The following MGA variants were observed in gnomAD, a reference collection of about 807,000 sequenced individuals.
The protein encoded by MGA is MAX gene-associated protein.
A neutral mutation model predicts 261.1 loss-of-function variants in MGA; 40 were observed. The observed-to-expected ratio is 0.15, with a 90% CI of 0.12 to 0.20. The LOEUF (loss-of-function observed/expected upper bound fraction) is 0.20. MGA is among the 10% of genes least tolerant of loss of function. The pLI, the probability that MGA is intolerant of heterozygous loss-of-function variation, is 1.00. For missense variants in MGA, 3,397 were observed against 3,630.5 expected (o/e 0.94, Z 1.65); for synonymous variants, 1,302 against 1,290.6 (o/e 1.01, Z -0.19).
intron 2 of MGA, among the ~76,000 whole-genome samples, chr15:41,684,986 G>A (rs1041976750): frequency 1.3e-5 from 2 of 152,108 alleles, no homozygotes; most frequent in African/African-American, 4.8e-5. Flanking sequence ...TAAAATGTGG[G>A]TGGCTTTTAT....
At chr15:41,634,015 C>T (rs1345812440) in intron 1 of MGA, among the ~76,000 whole-genome samples, 1 of 152,038 alleles carries the variant, frequency 6.6e-6, no homozygotes, top group Non-Finnish European at 1.5e-5. Flanking sequence ...TTTCTGGTTT[C>T]CTCTGTCTGG....
chr15:41,685,624 C>T (rs1289578768), intron 2 of MGA, among the ~76,000 whole-genome samples: 2 of 152,134 alleles, frequency 1.3e-5, no homozygotes, highest in Non-Finnish European at 2.9e-5. Flanking sequence ...AACCATAATT[C>T]ATTCTTTTCA....
intron 6 of MGA, 42 bp from the exon 7 acceptor site, chr15:41,708,062 C>T (rs1271018881): frequency 6.7e-7 from 1 of 1,490,014 alleles, no homozygotes; most frequent in East Asian, 2.4e-5. Flanking sequence ...TAATATTGGC[C>T]TGCTAGAATT....
intron 11 of MGA, among the ~76,000 whole-genome samples, chr15:41,733,150 G>T (rs1477156058): frequency 6.6e-6 from 1 of 152,034 alleles, no homozygotes; most frequent in Admixed American, 6.6e-5. Context: ...TTGAGACGGG[G>T]TTTTACCATG....
At chr15:41,727,688 T>C (rs1310942040) in intron 10 of MGA, among the ~76,000 whole-genome samples, 1 of 152,202 alleles carries the variant, frequency 6.6e-6, no homozygotes, top group East Asian at 1.9e-4. Context: ...TTAAAGATAC[T>C]ACTCCTGTAT....
At chr15:41,755,220 A>C (rs1173410943) in intron 18 of MGA, among the ~76,000 whole-genome samples, 8 of 152,192 alleles carry the variant, frequency 5.3e-5, no homozygotes, top group Admixed American at 5.2e-4. Context: ...TTTGTGCCAG[A>C]CATTGTACTT....
intron 9 of MGA, among the ~76,000 whole-genome samples, chr15:41,719,090 A>G (rs2060806957): frequency 6.6e-6 from 1 of 152,218 alleles, no homozygotes; most frequent in African/African-American, 2.4e-5. Flanking sequence ...TGTACATATA[A>G]GCAATGAACA....
At chr15:41,707,283 AC>A (rs1387172921) in intron 5 of MGA, among the ~76,000 whole-genome samples, 1 of 152,208 alleles carries the variant, frequency 6.6e-6, no homozygotes, top group Admixed American at 6.5e-5. Context: ...TCACAAGGCT[AC>A]AGTCAAAATA....
At chr15:41,688,634 T>A (rs1166632192) in intron 2 of MGA, among the ~76,000 whole-genome samples, 2 of 151,954 alleles carry the variant, frequency 1.3e-5, no homozygotes, top group African/African-American at 4.8e-5. Flanking sequence ...CCATGTCATC[T>A]TGCTATTTCC....
rs781320771 is a variant in MGA, at chr15:41,750,465, G to C, written c.6858G>C (p.Glu2286Asp). ...GAGAACAGATACAACCAAAGCAAGA[G>C]AAGAAGGGTGGGAGAAGCAGTGCTG... Residue 2286 changes from glutamate to aspartate, a missense_variant, in exon 17 of 24, where the codon GAG becomes GAC. Glu to Asp is a conservative substitution (Grantham distance 45). This residue lies in a region of MGA where 1,410 missense variants were observed against 1,386.4 expected (regional missense o/e 1.02). Transcript: ENST00000219905. 6.2e-7 allele frequency: 1 copy of C among 1,613,982 alleles called. No individual in the cohort carries two copies. Among genetic ancestry groups the C allele is most frequent in the Non-Finnish European group, 8.5e-7 (1 of 1,179,880 alleles).
intron 9 of MGA, among the ~76,000 whole-genome samples, chr15:41,721,086 G>A (rs2060916398): frequency 6.6e-6 from 1 of 152,112 alleles, no homozygotes; most frequent in African/African-American, 2.4e-5. Flanking sequence ...ATGTATACAG[G>A]ATCTCATATT....
At chr15:41,699,574 T>C (rs2059728848) in intron 5 of MGA, among the ~76,000 whole-genome samples, 1 of 152,224 alleles carries the variant, frequency 6.6e-6, no homozygotes, top group African/African-American at 2.4e-5. Flanking sequence ...CAATCTCTGC[T>C]CACTGCAAGC....
intron 22 of MGA, among the ~76,000 whole-genome samples, chr15:41,763,767 C>T (rs780044467): frequency 1.3e-5 from 2 of 151,372 alleles, no homozygotes; most frequent in African/African-American, 2.4e-5. Flanking sequence ...CAAAACAAAA[C>T]AAAAACCCCA....
chr15:41,675,612 A>G (rs1463089877), intron 2 of MGA, among the ~76,000 whole-genome samples: 1 of 152,136 alleles, frequency 6.6e-6, no homozygotes, highest in Admixed American at 6.5e-5. Flanking sequence ...TCCTGGCTAC[A>G]AGGATCCTCC....
At position 41,748,699 on chromosome 15, in the gene MGA, G is replaced by A. The variant is rs2062654317; in HGVS notation, c.5275G>A (p.Gly1759Arg). The A allele has an allele frequency of 6.2e-7, 1 of 1,613,948 alleles. No homozygotes were observed. Among genetic ancestry groups the A allele is most frequent in the Non-Finnish European group, 8.5e-7 (1 of 1,179,898 alleles). The stretch of plus-strand genomic sequence containing the variant: ...CTCTCCTAACACAGTGAAACGTGCT[G>A]GACCTCGATTGTTGTTGATTCCAGT... Residue 1759 changes from glycine to arginine, a missense_variant, in exon 16 of 24, where the codon GGA (glycine) becomes AGA (arginine). By Grantham distance (125) the Gly-to-Arg change is moderately radical (BLOSUM62 -2). Transcript: ENST00000219905.
At chr15:41,707,940 T>G (rs2060201410) in intron 6 of MGA, 81 bp downstream of exon 6, 1 of 1,507,480 alleles carries the variant, frequency 6.6e-7, no homozygotes, top group Non-Finnish European at 9.0e-7. Context: ...AAAGCTACCT[T>G]TATTGGTGAC....
chr15:41,635,942 T>A (rs35698486), intron 1 of MGA, among the ~76,000 whole-genome samples: 35,964 of 151,996 alleles, frequency 0.24, 4,927 homozygotes, highest in Middle Eastern at 0.43. Flanking sequence ...ATATAGCAGG[T>A]ACAATTACAT....
intron 5 of MGA, among the ~76,000 whole-genome samples, chr15:41,702,156 C>T (rs564393062): frequency 3.4e-4 from 51 of 152,106 alleles, no homozygotes; most frequent in African/African-American, 1.1e-3. Flanking sequence ...TCCGTCTCTA[C>T]TAAAAATACA....
chr15:41,721,318 A>G (rs1364461566), intron 9 of MGA, among the ~76,000 whole-genome samples: 1 of 152,068 alleles, frequency 6.6e-6, no homozygotes, highest in Non-Finnish European at 1.5e-5. Context: ...AAATACAAAA[A>G]TTAGCCAGGT....
Sources: allele counts gnomAD v4.1 joint callset (sites outside exome capture counted in the v4.1 genomes callset), GRCh38; gene constraint gnomAD v4.1.1; regional missense constraint gnomAD v4.1.1; transcripts MANE v1.5; gene names NCBI Gene and HGNC (gene_info 2026-07-23, HGNC 2026-07-21).